Variants in RNF24 observed in about 807,000 individuals in gnomAD.
The protein encoded by RNF24 is ring finger protein 24.
In RNF24, 14 loss-of-function variants were observed where a neutral mutation model predicts 20.0. That is an observed-to-expected ratio of 0.70 (90% CI 0.46 to 1.10). The LOEUF (loss-of-function observed/expected upper bound fraction) is 1.10. Among genes scored for constraint, RNF24 ranks in the 50% least tolerant of loss-of-function variants. RNF24 has a pLI of 0.00. For synonymous variants in RNF24, 45 were observed against 61.1 expected (o/e 0.74, Z 1.23); for missense variants, 124 against 177.6 (o/e 0.70, Z 1.71).
At chr20:3,996,030 C>T (rs985975326) in intron 1 of RNF24, among the ~76,000 whole-genome samples, 3 of 152,120 alleles carry the variant, frequency 2.0e-5, no homozygotes, top group Non-Finnish European at 2.9e-5. Flanking sequence ...ATATTGAAGA[C>T]TATACAAGTT....
chr20:3,934,795 G>A lies in RNF24; in HGVS notation c.308+199C>T, dbSNP rs185951700. ...CTCTGCCCATAGTCCTGACGTGGTG[G>A]TCACGTTCCACCACTCTGCTGTCTC... On this transcript the variant is annotated intron_variant, in intron 5 of 5. Transcript: ENST00000358395. The surrounding 1 kb of genome is among the most constrained non-coding windows in gnomAD (Gnocchi z 4.0). 9.9e-5 allele frequency among the ~76,000 whole-genome samples: 15 copies of A among 152,198 alleles called. No homozygotes were observed. The highest frequency in any genetic ancestry group is 6.8e-3 in the Middle Eastern group (2 of 294).
chr20:3,999,863 T>G (rs921009709), intron 1 of RNF24, among the ~76,000 whole-genome samples: 2 of 152,260 alleles, frequency 1.3e-5, no homozygotes, highest in Admixed American at 6.5e-5. Context: ...AGAACATGGA[T>G]GAACCTTGAA....
intron 2 of RNF24, among the ~76,000 whole-genome samples, chr20:3,959,890 T>C (rs1419682444): frequency 6.6e-6 from 1 of 152,176 alleles, no homozygotes; most frequent in Non-Finnish European, 1.5e-5. Flanking sequence ...TTCTGAGTGT[T>C]TGAGATATAA....
At position 3,931,081 on chromosome 20, in the gene RNF24, C is replaced by T. The variant is rs546009642; in HGVS notation, c.*2982G>A. 5.3e-5 allele frequency: 8 copies of T among 152,328 alleles called. No homozygotes were observed. Among genetic ancestry groups the T allele is most frequent in the African/African-American group, 1.4e-4 (6 of 41,566 alleles). 9.4% of individuals were successfully genotyped at this position (152,328 alleles called of 1,614,324 possible). On this transcript the variant is annotated 3_prime_UTR_variant, in exon 6 of 6. Transcript: ENST00000358395. ...GGAATCAAGTCAGGCTGGTTTTGTTCCCTGTTTCTGAAGGCAGTTGAATTC... is the reference window on the plus strand; with the variant it reads ...GGAATCAAGTCAGGCTGGTTTTGTTTCCTGTTTCTGAAGGCAGTTGAATTC...
At chr20:3,980,725 C>A (rs1979307387) in intron 1 of RNF24, among the ~76,000 whole-genome samples, 1 of 152,138 alleles carries the variant, frequency 6.6e-6, no homozygotes, top group Admixed American at 6.5e-5. Flanking sequence ...AGTTCATAAA[C>A]TCAAGGCCTC....
In RNF24 at chr20:3,950,252, T is replaced by C. The variant is rs1050927895; in HGVS notation, c.144-1973A>G. ...AAATAGGGTCTTTTCAGATTATTAG[T>C]TAGTTAAGATGAGGTTATATTGGAT... On this transcript the variant is annotated intron_variant, in intron 2 of 5. Coordinates refer to ENST00000358395, the MANE Select transcript of RNF24 (RefSeq NM_001134337.3). Among the ~76,000 whole-genome samples, 22 of 151,970 alleles carry C rather than the reference T, an allele frequency of 1.4e-4. 1 individual carries two copies. Among genetic ancestry groups the C allele is most frequent in the Admixed American group, 1.4e-3 (21 of 15,192 alleles).
At position 3,927,401 on chromosome 20, in the gene RNF24, T is replaced by G. The variant is rs2090738226; in HGVS notation, c.*6662A>C. 6.6e-6 allele frequency: 1 copy of G among 152,226 alleles called. No homozygotes were observed. The highest frequency in any genetic ancestry group is 2.1e-4 in the South Asian group (1 of 4,832). The allele number at this position is 152,226 out of a possible 1,614,324, so 9.4% of individuals were successfully genotyped here. A position where few individuals can be genotyped will look rare whatever the true frequency, so the allele number is the denominator to read the frequency against. On this transcript the variant is annotated 3_prime_UTR_variant, in exon 6 of 6. Coordinates refer to ENST00000358395, the MANE Select transcript of RNF24 (RefSeq NM_001134337.3). ...TGATTAGCAAAATGCATTAAAATTT[T>G]AAAATAGCAATTAAATATACAAAAA...
intron 2 of RNF24, among the ~76,000 whole-genome samples, chr20:3,951,122 AT>A (rs938654558): frequency 2.0e-5 from 3 of 151,784 alleles, no homozygotes; most frequent in Non-Finnish European, 4.4e-5. Flanking sequence ...TGCCCGGCTA[AT>A]TTTTTTTGTA....
intron 4 of RNF24, among the ~76,000 whole-genome samples, chr20:3,940,419 A>C (rs2090941812): frequency 2.0e-5 from 3 of 151,798 alleles, no homozygotes; most frequent in South Asian, 2.1e-4. Flanking sequence ...AATTACTGAA[A>C]AAAAAAAAAA....
At chr20:4,014,904 C>T (rs1434570979) in intron 1 of RNF24, among the ~76,000 whole-genome samples, 1 of 152,218 alleles carries the variant, frequency 6.6e-6, no homozygotes, top group Non-Finnish European at 1.5e-5. Context: ...CCACCCCGAC[C>T]ACTGCCATGC....
intron 1 of RNF24, among the ~76,000 whole-genome samples, chr20:3,994,382 A>G (rs1344822934): frequency 5.9e-5 from 9 of 152,238 alleles, no homozygotes; most frequent in Non-Finnish European, 1.3e-4. Flanking sequence ...CACAGGGTTA[A>G]AACACCTACC....
intron 4 of RNF24, among the ~76,000 whole-genome samples, chr20:3,943,301 A>AT (rs562360151): frequency 0.019 from 2,813 of 145,600 alleles, 43 homozygotes; most frequent in African/African-American, 0.047. Flanking sequence ...TCCCAGCAGG[A>AT]TTTTTTTTTT....
intron 3 of RNF24, among the ~76,000 whole-genome samples, chr20:3,947,431 A>C (rs367738226): frequency 6.6e-6 from 1 of 152,234 alleles, no homozygotes; most frequent in African/African-American, 2.4e-5. Context: ...ACTTAAAGAC[A>C]AAATCAGTGA....
intron 4 of RNF24, among the ~76,000 whole-genome samples, chr20:3,940,183 C>T (rs1426300660): frequency 6.6e-6 from 1 of 152,056 alleles, no homozygotes; most frequent in Non-Finnish European, 1.5e-5. Flanking sequence ...GTCTTGAACT[C>T]CTGGGCTCAC....
At chr20:4,005,263 T>G (rs554091906) in intron 1 of RNF24, among the ~76,000 whole-genome samples, 4 of 152,294 alleles carry the variant, frequency 2.6e-5, no homozygotes, top group Non-Finnish European at 4.4e-5. Flanking sequence ...CATAAAAGCT[T>G]TTTAGTGTAG....
rs116461575 is a variant in RNF24 at position 3,985,671 on chromosome 20, C to T, written c.-7-21647G>A. ...TCAGATGTTTGTTATTTTGGTGAGT[C>T]TATTTTTACTCTGCCATATTCCTAG... is the stretch of plus-strand genomic sequence containing the variant. On this transcript the variant is annotated intron_variant, in intron 1 of 5. Coordinates refer to ENST00000358395, the MANE Select transcript of RNF24 (RefSeq NM_001134337.3). 9.1e-3 allele frequency among the ~76,000 whole-genome samples: 1,329 copies of T among 146,034 alleles called. 23 individuals carry two copies. Among genetic ancestry groups the T allele is most frequent in the African/African-American group, 0.032 (1,269 of 39,744 alleles).
At chr20:3,950,300 T>A (rs183605804) in intron 2 of RNF24, among the ~76,000 whole-genome samples, 84 of 152,278 alleles carry the variant, frequency 5.5e-4, no homozygotes, top group African/African-American at 1.8e-3. Flanking sequence ...TAAATTCAAT[T>A]TGACTGCTAT....
chr20:4,007,316 C>T (rs1981951384), intron 1 of RNF24, among the ~76,000 whole-genome samples: 1 of 152,132 alleles, frequency 6.6e-6, no homozygotes, highest in Non-Finnish European at 1.5e-5. Flanking sequence ...CTCTCCCTAG[C>T]CTGAACTTCT....
In RNF24 at chr20:3,949,863, T is replaced by C. The variant is rs534746933; in HGVS notation, c.144-1584A>G. On this transcript the variant is annotated intron_variant, in intron 2 of 5. Transcript: ENST00000358395. ...GTCCCATTAAAGAAATCTTTGCCTA[T>C]CCCAAAACTATGAAGATATTCTCCT... 5.9e-5 allele frequency among the ~76,000 whole-genome samples: 9 copies of C among 152,324 alleles called. No individual in the cohort carries two copies. In the East Asian group the frequency reaches 1.5e-3, roughly 26 times the overall value.
Sources: allele counts gnomAD v4.1 joint callset (sites outside exome capture counted in the v4.1 genomes callset), GRCh38; gene constraint gnomAD v4.1.1; non-coding constraint Gnocchi (gnomAD v3.1); transcripts MANE v1.5; gene names NCBI Gene and HGNC (gene_info 2026-07-23, HGNC 2026-07-21).